The following CBX3 variants were observed in gnomAD, a reference collection of about 807,000 sequenced individuals.
The protein encoded by CBX3 is chromobox 3.
Under a neutral mutation model 22.6 loss-of-function variants are expected in CBX3, and 5 were observed. The observed-to-expected ratio is 0.22, with a 90% CI of 0.12 to 0.47. CBX3 has a LOEUF of 0.47. CBX3 is among the 20% of genes least tolerant of loss of function. The pLI, the probability that CBX3 is intolerant of heterozygous loss-of-function variation, is 0.99. For synonymous variants in CBX3, 50 were observed against 66.6 expected, an observed-to-expected ratio of 0.75 and a Z score of 1.21; for missense variants, 83 against 208.1, an observed-to-expected ratio of 0.40 and a Z score of 3.70.
chr7:26,208,917 CTTTTTTTTTTTTTTTTTTTTTT>C (rs59657982), intron 4 of CBX3, among the ~76,000 whole-genome samples: 42 of 27,952 alleles, frequency 1.5e-3, no homozygotes, highest in Non-Finnish European at 2.2e-3. Context: ...CACGCCTGGC[CTTTTTTTTTTTTTTTTTTTTTT>C]TTTTTTTTTT....
chr7:26,207,682 C>T (rs1432958664), intron 3 of CBX3, among the ~76,000 whole-genome samples: 1 of 151,980 alleles, frequency 6.6e-6, no homozygotes, highest in Non-Finnish European at 1.5e-5. Context: ...CTATGCCCGG[C>T]TAATTTTTGT....
At chr7:26,206,627 C>G in intron 3 of CBX3, 117 bp downstream of exon 3, 1 of 942,926 alleles carries the variant, frequency 1.1e-6, no homozygotes, top group South Asian at 1.4e-5. Context: ...AATGTAAAGA[C>G]ACTTTGAATT....
intron 4 of CBX3, chr7:26,210,027 C>T (rs1017416666): frequency 6.6e-6 from 1 of 152,148 alleles, no homozygotes; most frequent in African/African-American, 2.4e-5. Context: ...CGGTGGCTCG[C>T]ACCTATAATC....
At chr7:26,206,227 A>G (rs2128137292) in intron 2 of CBX3, 141 bp from the exon 3 acceptor site, 1 of 587,618 alleles carries the variant, frequency 1.7e-6, no homozygotes, top group East Asian at 2.9e-5. Flanking sequence ...TTGACTTTTA[A>G]TCTTTCCAGA....
At chr7:26,201,861 C>T (rs1338104926) in intron 1 of CBX3, 35 bp downstream of exon 1, 2 of 116,458 alleles carry the variant, frequency 1.7e-5, no homozygotes, top group East Asian at 2.9e-4. Flanking sequence ...CTCTCGCTCG[C>T]TGGTGGTGCT....
At chr7:26,211,490 C>T (rs536158771) in intron 4 of CBX3, among the ~76,000 whole-genome samples, 172 bp from the exon 5 acceptor site, 1 of 152,174 alleles carries the variant, frequency 6.6e-6, no homozygotes, top group Admixed American at 6.5e-5. Context: ...GAGTATCAAA[C>T]TCAGGTTTTT....
chr7:26,208,609 T>G (rs1368489454), intron 4 of CBX3, 54 bp downstream of exon 4: 112 of 1,490,536 alleles, frequency 7.5e-5, no homozygotes, highest in Non-Finnish European at 1.0e-4. Context: ...GTTGATGGCT[T>G]GATTTCTTTT....
At chr7:26,206,214 CTG>C (rs1380879776) in intron 2 of CBX3, 152 bp from the exon 3 acceptor site, 1 of 566,990 alleles carries the variant, frequency 1.8e-6, no homozygotes, top group Admixed American at 3.4e-5. Flanking sequence ...ATTTTATTGT[CTG>C]TTGACTTTTA....
chr7:26,206,646 C>A, intron 3 of CBX3, 136 bp downstream of exon 3: 1 of 807,170 alleles, frequency 1.2e-6, no homozygotes, highest in Non-Finnish European at 2.0e-6. Flanking sequence ...TTTTAGGTGT[C>A]TCATTTGAGG....
intron 3 of CBX3, chr7:26,208,105 T>C (rs1327847753): frequency 4.6e-6 from 1 of 218,036 alleles, no homozygotes; most frequent in Non-Finnish European, 9.2e-6. Flanking sequence ...TGCATGCCTG[T>C]AGTCCCAGCT....
At chr7:26,202,558 A>G (rs1216291678) in intron 1 of CBX3, 1 of 159,650 alleles carries the variant, frequency 6.3e-6, no homozygotes, top group East Asian at 1.8e-4. Context: ...GTTTCTGAGC[A>G]GAAACCAAGT....
rs536098431 is a variant in CBX3 at position 26,206,355 on chromosome 7, T to C, written c.25-13T>C. ...GAGGAATATTTCTTAATTTCTCTTT[T>C]GTTTTATTTTAGCAAAAAATGGGAA... On this transcript the variant is annotated splice_polypyrimidine_tract_variant and intron_variant, in intron 2 of 5. Coordinates refer to ENST00000396386, the MANE Select transcript of CBX3 (RefSeq NM_016587.4). 37 of 701,336 alleles carry C rather than the reference T, an allele frequency of 5.3e-5. No individual in the cohort carries two copies. Among genetic ancestry groups the C allele is most frequent in the African/African-American group, 8.3e-5 (4 of 48,354 alleles). 43.4% of individuals were successfully genotyped at this position (701,336 alleles called of 1,614,324 possible). A position where few individuals can be genotyped will look rare whatever the true frequency, so the allele number is the denominator to read the frequency against.
chr7:26,208,307 G>C, intron 3 of CBX3, 86 bp from the exon 4 acceptor site: 2 of 1,095,438 alleles, frequency 1.8e-6, no homozygotes, highest in Non-Finnish European at 2.6e-6. Flanking sequence ...TTATTCCCCC[G>C]GGTGTCTATT....
At position 26,212,107 on chromosome 7, in the gene CBX3, G is replaced by C; in HGVS notation, c.451G>C (p.Val151Leu). Residue 151 changes from valine to leucine, a missense_variant, in exon 6 of 6, where the codon GTG becomes CTG. Coordinates refer to ENST00000396386, the MANE Select transcript of CBX3 (RefSeq NM_016587.4). ...GAAAGATTCAGATGAGGCAGACTTG[G>C]TGCTGGCGAAAGAGGCAAATATGAA... ...KWKDSDEADL[V>L]LAKEANMKCP... is the part of the protein sequence containing the mutation. 1 of 1,586,582 alleles carries C rather than the reference G, an allele frequency of 6.3e-7. No homozygotes were observed. Among genetic ancestry groups the C allele is most frequent in the Non-Finnish European group, 8.6e-7 (1 of 1,169,016 alleles).
rs1463935250 is a variant in CBX3 at position 26,213,367 on chromosome 7, TTTTTC to T, written c.*1163_*1167del. ...TATTCCTTTATGCAATTATTAGACT[TTTTTC>T]TTTATTTGATATGCCTTTACAGTAG... On this transcript the variant is annotated 3_prime_UTR_variant, in exon 6 of 6. Coordinates refer to ENST00000396386, the MANE Select transcript of CBX3 (RefSeq NM_016587.4). 2.0e-5 allele frequency: 3 copies of T among 152,504 alleles called. No individual in the cohort carries two copies. Among genetic ancestry groups the T allele is most frequent in the Non-Finnish European group, 2.9e-5 (2 of 68,024 alleles). The allele number at this position is 152,504 out of a possible 1,614,324, so 9.4% of individuals were successfully genotyped here. A position where few individuals can be genotyped will look rare whatever the true frequency, so the allele number is the denominator to read the frequency against.
chr7:26,211,534 T>A, intron 4 of CBX3, 128 bp from the exon 5 acceptor site: 1 of 518,692 alleles, frequency 1.9e-6, no homozygotes, highest in Non-Finnish European at 3.4e-6. Flanking sequence ...CAGATGTTTT[T>A]AATTACCAAA....
intron 3 of CBX3, among the ~76,000 whole-genome samples, chr7:26,207,753 A>G (rs1226791422): frequency 1.3e-5 from 2 of 151,998 alleles, no homozygotes; most frequent in East Asian, 1.9e-4. Flanking sequence ...CCTGACCTCA[A>G]GTGATCCACC....
chr7:26,206,249 C>T (rs1784673106), intron 2 of CBX3, 119 bp from the exon 3 acceptor site: 4 of 634,908 alleles, frequency 6.3e-6, no homozygotes, highest in East Asian at 2.8e-5. Context: ...GGTGTCTGCC[C>T]TGGGATATAG....
intron 2 of CBX3, among the ~76,000 whole-genome samples, chr7:26,204,907 A>G (rs1344796174): frequency 6.6e-6 from 1 of 152,178 alleles, no homozygotes; most frequent in African/African-American, 2.4e-5. Context: ...CTCCTGCCTC[A>G]GCCTCCCAAG....
Sources: allele counts gnomAD v4.1 joint callset (sites outside exome capture counted in the v4.1 genomes callset), GRCh38; gene constraint gnomAD v4.1.1; transcripts MANE v1.5; gene names NCBI Gene and HGNC (gene_info 2026-07-23, HGNC 2026-07-21).